The following RUFY3 variants were observed in gnomAD, a reference collection of about 807,000 sequenced individuals.
RUFY3 encodes protein RUFY3.
Under a neutral mutation model 84.0 loss-of-function variants are expected in RUFY3, and 34 were observed. The ratio of observed to expected loss-of-function variants is 0.40; its 90% CI spans 0.31 to 0.54. The LOEUF (loss-of-function observed/expected upper bound fraction) is 0.54. Ranked by LOEUF, RUFY3 falls within the 20% of genes least tolerant of loss-of-function variation. The pLI is 0.39. For synonymous variants in RUFY3, 242 were observed against 252.9 expected, an observed-to-expected ratio of 0.96 and a Z score of 0.41; for missense variants, 507 against 736.8, an observed-to-expected ratio of 0.69 and a Z score of 3.61.
rs1457765393 is a variant in RUFY3 at position 70,789,551 on chromosome 4, G to A, written c.1296G>A (p.Lys432=). The A allele has an allele frequency of 3.7e-6, 6 of 1,612,922 alleles. No individual in the cohort carries two copies. The highest frequency in any genetic ancestry group is 2.2e-5 in the East Asian group (1 of 44,744). The part of the protein sequence containing the change: ...KSELNSRLEE[K]TNQMAATIKQ... ...AACTAAACAGTCGCTTGGAAGAGAA[G>A]ACTAATCAGATGGCTGCTACCATTA... is the stretch of plus-strand genomic sequence containing the variant. The change falls in exon 12 of 18, where the codon AAG becomes AAA. Residue 432 remains lysine (K), a synonymous_variant. Transcript: ENST00000381006.
intron 1 of RUFY3, among the ~76,000 whole-genome samples, chr4:70,707,692 G>A (rs1343761230): frequency 6.7e-6 from 1 of 149,680 alleles, no homozygotes; most frequent in Admixed American, 6.6e-5. Context: ...ATTAGTCACT[G>A]AGAACATTTC....
intron 5 of RUFY3, among the ~76,000 whole-genome samples, chr4:70,769,399 AGT>A (rs1342020786): frequency 6.6e-6 from 1 of 152,212 alleles, no homozygotes; most frequent in African/African-American, 2.4e-5. Context: ...TGATAGTGTA[AGT>A]GTAAAAAATA....
At chr4:70,773,249 AGACC>A in intron 5 of RUFY3, among the ~76,000 whole-genome samples, 1 of 152,378 alleles carries the variant, frequency 6.6e-6, no homozygotes, top group Admixed American at 6.5e-5. Flanking sequence ...AAGAAACTTT[AGACC>A]TTATTTATAT....
chr4:70,784,153 C>T (rs957778659), intron 9 of RUFY3, among the ~76,000 whole-genome samples: 2 of 152,122 alleles, frequency 1.3e-5, no homozygotes, highest in African/African-American at 2.4e-5. Context: ...TAACCAGTTG[C>T]GAATTCTCTG....
intron 1 of RUFY3, among the ~76,000 whole-genome samples, chr4:70,737,982 CT>C (rs747096904): frequency 0.11 from 13,146 of 121,098 alleles, 1,340 homozygotes; most frequent in African/African-American, 0.31. Flanking sequence ...CTATTAATTC[CT>C]TTTTTTTTTT....
chr4:70,802,844 C>T, intron 15 of RUFY3, 112 bp from the exon 16 acceptor site: 1 of 692,432 alleles, frequency 1.4e-6, no homozygotes, highest in East Asian at 2.7e-5. Flanking sequence ...AAAAGACCTA[C>T]AGTATTTCTT....
chr4:70,798,588 C>G (rs1365753190), intron 14 of RUFY3, among the ~76,000 whole-genome samples: 1 of 152,072 alleles, frequency 6.6e-6, no homozygotes, highest in Non-Finnish European at 1.5e-5. Flanking sequence ...TTGAGACAAG[C>G]CTGGGCAACA....
chr4:70,772,012 A>G (rs1055216958), intron 5 of RUFY3, among the ~76,000 whole-genome samples: 15 of 152,020 alleles, frequency 9.9e-5, no homozygotes, highest in African/African-American at 2.2e-4. Context: ...AGGAGGAGGA[A>G]GAGGAGGCGG....
chr4:70,794,810 A>G lies in RUFY3; in HGVS notation c.1473A>G (p.Leu491=), dbSNP rs765469784. ...CTTACCTCAGGAACCAGCTTGAGTT[A>G]GAACTAAAACAGGAAAAAGAAAGAA... The part of the protein sequence containing the change: ...ELTRQRNQLE[L]ELKQEKERRL... Residue 491 remains leucine, a synonymous_variant, in exon 14 of 18, where the codon TTA becomes TTG. Transcript: ENST00000381006. 1 of 1,611,884 alleles carries G rather than the reference A, an allele frequency of 6.2e-7. No homozygotes were observed. Among genetic ancestry groups the G allele is most frequent in the Non-Finnish European group, 8.5e-7 (1 of 1,178,438 alleles).
At chr4:70,790,951 A>G (rs943497165) in intron 12 of RUFY3, among the ~76,000 whole-genome samples, 5 of 152,184 alleles carry the variant, frequency 3.3e-5, no homozygotes, top group African/African-American at 9.7e-5. Context: ...GTATCAGTCT[A>G]CCTAGGAAAG....
intron 8 of RUFY3, among the ~76,000 whole-genome samples, chr4:70,779,555 CAA>C (rs1465637165): frequency 2.0e-5 from 3 of 150,476 alleles, no homozygotes; most frequent in African/African-American, 7.3e-5. Context: ...GTCCAGATGG[CAA>C]AGAGTTTACC....
Position 70,788,929 on chromosome 4 carries a change from G to T in RUFY3, c.1195G>T (p.Asp399Tyr). 2 of 1,614,162 alleles carry T rather than the reference G, an allele frequency of 1.2e-6. No individual in the cohort carries two copies. Among genetic ancestry groups the T allele is most frequent in the Non-Finnish European group, 1.7e-6 (2 of 1,180,024 alleles). ...CCTGGTATCTCTTCGGCAGCAGCTG[G>T]ATGACCTCAGAGCTCTCAAGCATGA... ...DALVSLRQQLDDLRALKHELA... is the reference protein window; with the variant it reads ...DALVSLRQQLYDLRALKHELA... The change falls in exon 11 of 18, where the codon GAT becomes TAT. Residue 399 changes from aspartate to tyrosine, a missense_variant. Around this residue, in one of 4 missense-constraint regions of RUFY3, gnomAD observed 334 missense variants for 364.1 expected, o/e 0.92. Transcript: ENST00000381006.
rs1311053111 is a variant in RUFY3 at position 70,807,398 on chromosome 4, TC to T, written c.*743del. ...TCCTTCCACAAAACAAGCCAACTCT[TC>T]CCCATTCCCTCCATCTTCCTTTCCA... On this transcript the variant is annotated 3_prime_UTR_variant, in exon 18 of 18. Transcript: ENST00000381006. The T allele has an allele frequency of 6.6e-6, 1 of 152,208 alleles. No individual in the cohort carries two copies. Among genetic ancestry groups the T allele is most frequent in the Non-Finnish European group, 1.5e-5 (1 of 68,046 alleles). 9.4% of individuals were successfully genotyped at this position (152,208 alleles called of 1,614,324 possible).
chr4:70,728,360 C>T (rs1006407284), intron 1 of RUFY3, among the ~76,000 whole-genome samples: 4 of 152,096 alleles, frequency 2.6e-5, no homozygotes. Context: ...TGCGCAGCAT[C>T]GTGAGAGAGG....
intron 4 of RUFY3, among the ~76,000 whole-genome samples, chr4:70,767,337 C>T (rs1214239381): frequency 1.4e-5 from 2 of 145,294 alleles, no homozygotes; most frequent in Non-Finnish European, 3.0e-5. Flanking sequence ...CTCGAACTTC[C>T]GACCTCAGGT....
intron 1 of RUFY3, among the ~76,000 whole-genome samples, chr4:70,733,129 GGA>G (rs1719677333): frequency 1.2e-5 from 1 of 84,426 alleles, no homozygotes; most frequent in East Asian, 3.6e-4. Flanking sequence ...AGGGAGGGAG[GGA>G]GGGAGGGAGA....
At chr4:70,782,534 C>T (rs1729102652) in intron 8 of RUFY3, among the ~76,000 whole-genome samples, 1 of 152,050 alleles carries the variant, frequency 6.6e-6, no homozygotes, top group Non-Finnish European at 1.5e-5. Flanking sequence ...CCGCTCGCAT[C>T]AGCCTCCTAA....
At chr4:70,755,055 C>A (rs1723773790) in intron 1 of RUFY3, among the ~76,000 whole-genome samples, 1 of 152,114 alleles carries the variant, frequency 6.6e-6, no homozygotes, top group Non-Finnish European at 1.5e-5. Context: ...AGGCGCCTGC[C>A]ACCATGCCCA....
At chr4:70,734,619 G>T (rs752865860) in intron 1 of RUFY3, 3 of 956,300 alleles carry the variant, frequency 3.1e-6, no homozygotes, top group Non-Finnish European at 3.7e-6. Flanking sequence ...TTAGCTTCCA[G>T]GATTTTGTAA....
Sources: gnomAD v4.1 joint callset for allele counts (sites outside exome capture counted in the v4.1 genomes callset) on GRCh38, gnomAD v4.1.1 for gene constraint, gnomAD v4.1.1 regional missense constraint, MANE v1.5 for transcripts, NCBI Gene and HGNC (gene_info 2026-07-23, HGNC 2026-07-21) for gene names.